Variants in PAPPA2 observed in about 807,000 individuals in gnomAD.
PAPPA2 encodes the protein pappalysin-2.
In PAPPA2, 86 loss-of-function variants were observed where a neutral mutation model predicts 176.4. That is an observed-to-expected ratio of 0.49 (90% CI 0.41 to 0.58). The LOEUF is 0.58. PAPPA2 is among the 20% of genes least tolerant of loss of function. The probability of loss-of-function intolerance (pLI) is 0.00; values close to 1 mark genes in which losing one functional copy is unlikely to be tolerated. For missense variants in PAPPA2, 2,073 were observed against 2,256.9 expected (o/e 0.92, Z 1.65); for synonymous variants, 809 against 852.2 (o/e 0.95, Z 0.88).
At chr1:176,762,309 C>T (rs1401435700) in intron 14 of PAPPA2, among the ~76,000 whole-genome samples, 6 of 150,526 alleles carry the variant, frequency 4.0e-5, no homozygotes, top group Non-Finnish European at 7.4e-5. Context: ...CTCATATTCT[C>T]CCCTGTCTCA....
At chr1:176,487,215 G>A (rs1652687193) in intron 1 of PAPPA2, among the ~76,000 whole-genome samples, 1 of 152,186 alleles carries the variant, frequency 6.6e-6, no homozygotes, top group African/African-American at 2.4e-5. Flanking sequence ...AATAGTGGCT[G>A]GGTTGCTGGT....
intron 3 of PAPPA2, among the ~76,000 whole-genome samples, chr1:176,607,903 C>A (rs1395479418): frequency 2.0e-5 from 3 of 151,964 alleles, no homozygotes; most frequent in African/African-American, 7.3e-5. Flanking sequence ...TTTGTTAATT[C>A]GTAATTTGGA....
intron 1 of PAPPA2, among the ~76,000 whole-genome samples, chr1:176,505,806 A>G (rs1648227689): frequency 6.6e-6 from 1 of 151,988 alleles, no homozygotes; most frequent in Non-Finnish European, 1.5e-5. Context: ...GGAGTTGCAC[A>G]GGAAATGAGG....
At chr1:176,652,486 C>A (rs942684554) in intron 3 of PAPPA2, among the ~76,000 whole-genome samples, 1 of 151,546 alleles carries the variant, frequency 6.6e-6, no homozygotes, top group Non-Finnish European at 1.5e-5. Context: ...AGGGGATATA[C>A]CAGTAGTGTG....
chr1:176,469,033 T>C (rs1355984578), intron 1 of PAPPA2, among the ~76,000 whole-genome samples: 1 of 152,190 alleles, frequency 6.6e-6, no homozygotes, highest in Non-Finnish European at 1.5e-5. Context: ...TCAAGCTCTG[T>C]TGCTAACTGC....
chr1:176,676,444 A>T (rs1573235608), intron 4 of PAPPA2, among the ~76,000 whole-genome samples: 3 of 151,830 alleles, frequency 2.0e-5, no homozygotes, highest in Non-Finnish European at 4.4e-5. Flanking sequence ...TCTCAAGGGC[A>T]TTATGCTAAG....
chr1:176,750,053 T>C (rs1663096161), intron 14 of PAPPA2, among the ~76,000 whole-genome samples: 1 of 152,196 alleles, frequency 6.6e-6, no homozygotes, highest in African/African-American at 2.4e-5. Context: ...TGAAGATACA[T>C]TGTTTTTCAA....
At chr1:176,707,740 A>G (rs748549994) in intron 10 of PAPPA2, among the ~76,000 whole-genome samples, 48 of 152,186 alleles carry the variant, frequency 3.2e-4, no homozygotes, top group Non-Finnish European at 1.6e-4. Flanking sequence ...CAGCCCTAGA[A>G]CTCAGCTTTC....
At chr1:176,747,537 G>T (rs1220673715) in intron 14 of PAPPA2, among the ~76,000 whole-genome samples, 1 of 151,984 alleles carries the variant, frequency 6.6e-6, no homozygotes, top group African/African-American at 2.4e-5. Context: ...GTTTCTTAGA[G>T]AAGAAAAAAA....
chr1:176,481,092 T>A (rs902508573), intron 1 of PAPPA2, among the ~76,000 whole-genome samples: 1 of 152,146 alleles, frequency 6.6e-6, no homozygotes, highest in Non-Finnish European at 1.5e-5. Flanking sequence ...TGAAAATAAG[T>A]TTGAACGTAA....
intron 9 of PAPPA2, among the ~76,000 whole-genome samples, chr1:176,704,162 C>A (rs775199832): frequency 1.3e-5 from 2 of 152,136 alleles, no homozygotes; most frequent in Non-Finnish European, 2.9e-5. Flanking sequence ...CTTTCCCTAC[C>A]CTGATTTTGC....
chr1:176,648,788 G>A (rs1477673474), intron 3 of PAPPA2, among the ~76,000 whole-genome samples: 2 of 151,456 alleles, frequency 1.3e-5, no homozygotes, highest in East Asian at 3.9e-4. Context: ...AATCCTACTT[G>A]ATCCATAGTA....
intron 21 of PAPPA2, 27 bp downstream of exon 21, chr1:176,800,159 C>A: frequency 6.2e-7 from 1 of 1,609,684 alleles, no homozygotes; most frequent in South Asian, 1.1e-5. Flanking sequence ...TTCCCCAACT[C>A]AGACTAGAGA....
intron 3 of PAPPA2, among the ~76,000 whole-genome samples, chr1:176,614,263 A>T (rs1655088627): frequency 6.6e-6 from 1 of 152,152 alleles, no homozygotes; most frequent in Non-Finnish European, 1.5e-5. Context: ...GCCTTTACTA[A>T]GTGTCAAATG....
At chr1:176,667,279 T>C (rs1463442632) in intron 3 of PAPPA2, among the ~76,000 whole-genome samples, 1 of 150,700 alleles carries the variant, frequency 6.6e-6, no homozygotes, top group African/African-American at 2.4e-5. Flanking sequence ...AATAAGACTG[T>C]GTTTTCAGTG....
intron 1 of PAPPA2, among the ~76,000 whole-genome samples, chr1:176,465,578 T>C (rs1651581309): frequency 6.6e-6 from 1 of 152,150 alleles, no homozygotes; most frequent in Non-Finnish European, 1.5e-5. Context: ...TAATACAAAG[T>C]TACCTTTTTT....
chr1:176,761,422 CAT>C (rs1663695035), intron 14 of PAPPA2, among the ~76,000 whole-genome samples: 1 of 151,956 alleles, frequency 6.6e-6, no homozygotes, highest in African/African-American at 2.4e-5. Context: ...GAGCTGGAAA[CAT>C]AGATGGAAAG....
chr1:176,573,409 T>C (rs997596529), intron 2 of PAPPA2, among the ~76,000 whole-genome samples: 6 of 152,168 alleles, frequency 3.9e-5, no homozygotes, highest in Admixed American at 2.0e-4. Context: ...CTGCAGCCGG[T>C]TAGCCATTGG....
intron 3 of PAPPA2, among the ~76,000 whole-genome samples, chr1:176,623,614 C>CTTTCTTT (rs1558479036): frequency 2.2e-3 from 190 of 88,194 alleles, no homozygotes; most frequent in South Asian, 2.8e-3. Flanking sequence ...TTCCTTCCTT[C>CTTTCTTT]CTTCCTTCCT....
Sources: gnomAD v4.1 joint callset for allele counts (sites outside exome capture counted in the v4.1 genomes callset) on GRCh38, gnomAD v4.1.1 for gene constraint, MANE v1.5 for transcripts, NCBI Gene and HGNC (gene_info 2026-07-23, HGNC 2026-07-21) for gene names.